Variants in JAK1 observed in about 807,000 individuals in gnomAD.
JAK1 encodes the protein tyrosine-protein kinase JAK1.
A neutral mutation model predicts 136.6 loss-of-function variants in JAK1; 16 were observed. That is an observed-to-expected ratio of 0.12 (90% CI 0.08 to 0.18). JAK1 has a LOEUF of 0.18. Among genes scored for constraint, JAK1 ranks in the 10% least tolerant of loss-of-function variants. The probability of loss-of-function intolerance (pLI) is 1.00; values close to 1 mark genes in which losing one functional copy is unlikely to be tolerated. For synonymous variants in JAK1, 492 were observed against 519.5 expected, an observed-to-expected ratio of 0.95 and a Z score of 0.72; for missense variants, 859 against 1,450.1, an observed-to-expected ratio of 0.59 and a Z score of 6.62.
chr1:65,023,252 G>A (rs1199952483), intron 2 of JAK1, among the ~76,000 whole-genome samples: 3 of 151,872 alleles, frequency 2.0e-5, no homozygotes, highest in African/African-American at 4.8e-5. Flanking sequence ...ACAGGCATAC[G>A]TAGCCATACT....
In JAK1 at chr1:64,834,505, A is replaced by G; in HGVS notation, c.*57T>C. ...GAAATTTTTAAAAAATGACTTGGGCATTTGTTGCAGGAGAAGGACTTGATA... is the reference window on the plus strand; with the variant it reads ...GAAATTTTTAAAAAATGACTTGGGCGTTTGTTGCAGGAGAAGGACTTGATA... On this transcript the variant is annotated 3_prime_UTR_variant, in exon 25 of 25. Coordinates refer to ENST00000342505, the MANE Select transcript of JAK1 (RefSeq NM_002227.4). 1 of 1,185,406 alleles carries G rather than the reference A, an allele frequency of 8.4e-7. No homozygotes were observed. Among genetic ancestry groups the G allele is most frequent in the Non-Finnish European group, 1.2e-6 (1 of 804,232 alleles). The allele number at this position is 1,185,406 out of a possible 1,614,324, so 73.4% of individuals were successfully genotyped here. A position where few individuals can be genotyped will look rare whatever the true frequency, so the allele number is the denominator to read the frequency against.
intron 2 of JAK1, among the ~76,000 whole-genome samples, chr1:65,000,374 C>T (rs1646744192): frequency 6.6e-6 from 1 of 151,850 alleles, no homozygotes; most frequent in African/African-American, 2.4e-5. Flanking sequence ...AAGATGAGTC[C>T]TGCCTGTAAT....
rs2100993749 is a variant in JAK1, at chr1:64,844,749, C to A, written c.2251+5G>T. 6.2e-7 allele frequency: 1 copy of A among 1,614,024 alleles called. No individual in the cohort carries two copies. The highest frequency in any genetic ancestry group is 8.5e-7 in the Non-Finnish European group (1 of 1,179,970). On this transcript the variant is annotated splice_donor_5th_base_variant and intron_variant, in intron 16 of 24. Coordinates refer to ENST00000342505, the MANE Select transcript of JAK1 (RefSeq NM_002227.4). This position sits in a 1 kb window ranked among gnomAD's most constrained non-coding sequence, Gnocchi z 5.7. ...GGGGCCAGAGGGAAGAGAGGGGAGA[C>A]ACACCTTGCCTAGACAGCACCGTAA...
chr1:64,939,031 A>C (rs1436783924), intron 1 of JAK1, among the ~76,000 whole-genome samples: 2 of 152,152 alleles, frequency 1.3e-5, no homozygotes, highest in Non-Finnish European at 2.9e-5. Flanking sequence ...GCTGGAGTGC[A>C]ATGGCATGAC....
intron 1 of JAK1, among the ~76,000 whole-genome samples, chr1:64,908,790 T>C (rs969939953): frequency 6.6e-6 from 1 of 152,118 alleles, no homozygotes; most frequent in Non-Finnish European, 1.5e-5. Flanking sequence ...GTGTACACTG[T>C]ATTTATGAAT....
chr1:65,001,678 TG>T (rs112850726), intron 2 of JAK1, among the ~76,000 whole-genome samples: 2,346 of 96,466 alleles, frequency 0.024, 44 homozygotes, highest in African/African-American at 0.052. Context: ...AGTGTGTGTG[TG>T]GGGGGGGGGG....
In JAK1 at chr1:64,888,810, C is replaced by T. The variant is rs1644891011; in HGVS notation, c.-77-2469G>A. ...CTCTTCGAGAAAACAAGAACAGCAA[C>T]AGAATTTCAAGACAATATGCATTAA... On this transcript the variant is annotated intron_variant, in intron 1 of 24. Transcript: ENST00000342505. Among the ~76,000 whole-genome samples the T allele has an allele frequency of 2.0e-5, 3 of 152,178 alleles. No individual in the cohort carries two copies. In the South Asian group the frequency reaches 6.2e-4, roughly 31 times the overall value.
upstream of JAK1, among the ~76,000 whole-genome samples, chr1:64,969,756 A>T (rs1241972787): frequency 1.3e-5 from 2 of 152,108 alleles, no homozygotes; most frequent in African/African-American, 4.8e-5. Context: ...ATTGGTTAAT[A>T]AGCTGACCAA....
At chr1:65,024,931 C>T (rs1053208250) in intron 2 of JAK1, among the ~76,000 whole-genome samples, 1 of 152,072 alleles carries the variant, frequency 6.6e-6, no homozygotes, top group Non-Finnish European at 1.5e-5. Context: ...GAGCCGAGAT[C>T]GTGCCATTGC....
intron 1 of JAK1, among the ~76,000 whole-genome samples, chr1:64,889,493 G>A (rs1644902509): frequency 6.6e-6 from 1 of 151,990 alleles, no homozygotes; most frequent in Non-Finnish European, 1.5e-5. Context: ...AATTTTGTAG[G>A]TGCTGTTTTA....
chr1:65,021,063 T>C (rs964602306), intron 2 of JAK1, among the ~76,000 whole-genome samples: 24 of 152,160 alleles, frequency 1.6e-4, no homozygotes, highest in African/African-American at 5.8e-4. Flanking sequence ...CTCCCAATCT[T>C]CTGTCTGTGC....
intron 1 of JAK1, among the ~76,000 whole-genome samples, chr1:64,936,910 C>T (rs78772779): frequency 0.042 from 6,349 of 150,302 alleles, 361 homozygotes; most frequent in East Asian, 0.26. Context: ...TTTTTATGTA[C>T]AAAAATGGCA....
chr1:64,961,536 C>G (rs990118038), intron 1 of JAK1, among the ~76,000 whole-genome samples: 1 of 152,144 alleles, frequency 6.6e-6, no homozygotes, highest in East Asian at 1.9e-4. Context: ...GAGCTACGGT[C>G]TTCACAATCT....
At position 64,883,315 on chromosome 1, in the gene JAK1, G is replaced by A. The variant is rs2101264464; in HGVS notation, c.167C>T (p.Thr56Ile). The A allele has an allele frequency of 6.2e-7, 1 of 1,614,154 alleles. No individual in the cohort carries two copies. Among genetic ancestry groups the A allele is most frequent in the Non-Finnish European group, 8.5e-7 (1 of 1,180,002 alleles). The change falls in exon 3 of 25, where the codon ACA (threonine) becomes ATA (isoleucine). Residue 56 changes from threonine to isoleucine, a missense_variant. Around this residue, in one of 4 missense-constraint regions of JAK1, gnomAD observed 353 missense variants for 494.0 expected, o/e 0.71. Transcript: ENST00000342505. ...EPLRLGSGEYTAEELCIRAAQ... is the reference protein window; with the variant it reads ...EPLRLGSGEYIAEELCIRAAQ... The stretch of plus-strand genomic sequence containing the variant: ...AGCCCTGATGCACAGTTCCTCTGCT[G>A]TGTACTCTCCACTGCCCAGCCGGAG...
intron 2 of JAK1, among the ~76,000 whole-genome samples, chr1:64,989,029 T>A (rs909666281): frequency 3.0e-5 from 4 of 135,142 alleles, no homozygotes; most frequent in African/African-American, 8.5e-5. Context: ...TATATATATA[T>A]AAAATACAGA....
At chr1:64,851,651 G>A (rs1332468975) in intron 11 of JAK1, among the ~76,000 whole-genome samples, 2 of 152,132 alleles carry the variant, frequency 1.3e-5, no homozygotes, top group Non-Finnish European at 2.9e-5. Flanking sequence ...TCGAGGCCAG[G>A]AAATCTACAA....
At chr1:65,002,590 C>T (rs1453583976) in intron 2 of JAK1, 1 of 152,318 alleles carries the variant, frequency 6.6e-6, no homozygotes, top group Non-Finnish European at 1.5e-5. Context: ...CGCTCAGTAA[C>T]GCAGCGCTGA....
chr1:65,007,831 C>T (rs574312261), intron 2 of JAK1, among the ~76,000 whole-genome samples: 8 of 151,928 alleles, frequency 5.3e-5, no homozygotes, highest in Non-Finnish European at 1.0e-4. Flanking sequence ...CTGCAACCTC[C>T]ACCTCCTGGG....
At position 64,841,351 on chromosome 1, in the gene JAK1, G is replaced by C. The variant is rs1557623036; in HGVS notation, c.2555-12C>G. 2.5e-6 allele frequency: 4 copies of C among 1,613,050 alleles called. No homozygotes were observed. In the Admixed American group the frequency reaches 5.0e-5, roughly 20 times the overall value. ...AACAATATCTGGATCTAACAGAAGA[G>C]AAAAGAAAACAGAGTGAAAGGCAGT... On this transcript the variant is annotated splice_polypyrimidine_tract_variant and intron_variant, in intron 18 of 24. Coordinates refer to ENST00000342505, the MANE Select transcript of JAK1 (RefSeq NM_002227.4).
Sources: allele counts gnomAD v4.1 joint callset (sites outside exome capture counted in the v4.1 genomes callset), GRCh38; gene constraint gnomAD v4.1.1; regional missense constraint gnomAD v4.1.1; non-coding constraint Gnocchi (gnomAD v3.1); transcripts MANE v1.5; gene names NCBI Gene and HGNC (gene_info 2026-07-23, HGNC 2026-07-21).